Variants in NSUN7 observed in about 807,000 individuals in gnomAD.
The protein encoded by NSUN7 is NOP2/Sun RNA methyltransferase family member 7.
Under a neutral mutation model 58.5 loss-of-function variants are expected in NSUN7, and 39 were observed. That is an observed-to-expected ratio of 0.67 (90% CI 0.52 to 0.87). The LOEUF (loss-of-function observed/expected upper bound fraction) is 0.87. NSUN7 is among the 40% of genes least tolerant of loss of function. The probability of loss-of-function intolerance (pLI) is 0.00; values close to 1 mark genes in which losing one functional copy is unlikely to be tolerated. For missense variants in NSUN7, 765 were observed against 844.1 expected (o/e 0.91, Z 1.16); for synonymous variants, 278 against 303.7 (o/e 0.92, Z 0.88).
At chr4:40,779,035 A>G (rs943093825) in intron 7 of NSUN7, among the ~76,000 whole-genome samples, 3 of 152,204 alleles carry the variant, frequency 2.0e-5, no homozygotes, top group Non-Finnish European at 4.4e-5. Flanking sequence ...GTTTGGGTAG[A>G]AGAAATTGGA....
intron 2 of NSUN7, among the ~76,000 whole-genome samples, chr4:40,755,703 C>G (rs963273553): frequency 6.6e-6 from 1 of 152,154 alleles, no homozygotes; most frequent in Non-Finnish European, 1.5e-5. Flanking sequence ...CCTCCAGATT[C>G]AATAATTTGC....
At chr4:40,761,445 TACAA>T (rs1321882232) in intron 4 of NSUN7, 144 bp downstream of exon 4, 1 of 676,992 alleles carries the variant, frequency 1.5e-6, no homozygotes, top group South Asian at 2.2e-5. Flanking sequence ...TGAATTTCTT[TACAA>T]ACAGTCTTGA....
intron 7 of NSUN7, 54 bp downstream of exon 7, chr4:40,776,313 A>T: frequency 7.8e-7 from 1 of 1,276,740 alleles, no homozygotes; most frequent in South Asian, 1.4e-5. Context: ...GATTTTAGAA[A>T]CGTTAAAAAG....
intron 9 of NSUN7, among the ~76,000 whole-genome samples, chr4:40,795,522 G>T (rs961752513): frequency 1.3e-5 from 2 of 152,108 alleles, no homozygotes; most frequent in African/African-American, 4.8e-5. Flanking sequence ...GCTTCAGAAA[G>T]AATCTGAAAA....
chr4:40,786,809 G>A (rs1283340671), intron 7 of NSUN7: 3 of 1,244,156 alleles, frequency 2.4e-6, no homozygotes, highest in South Asian at 1.5e-5. Context: ...CTGCCTGTCT[G>A]CCCTCCTGGA....
rs1742203283 is a variant in NSUN7 at position 40,775,083 on chromosome 4, C to T, written c.825+133C>T. 3 of 458,762 alleles carry T rather than the reference C, an allele frequency of 6.5e-6. No homozygotes were observed. The highest frequency in any genetic ancestry group is 1.2e-5 in the Non-Finnish European group (3 of 257,730). The allele number at this position is 458,762 out of a possible 1,614,324, so 28.4% of individuals were successfully genotyped here. Reference sequence around the variant, plus strand: ...AGGGAGGTTTATAAGGCCTAATTGTCACCTTGAATAAAATTAATACCTCTA... The same window carrying T: ...AGGGAGGTTTATAAGGCCTAATTGTTACCTTGAATAAAATTAATACCTCTA... On this transcript the variant is annotated intron_variant, in intron 6 of 11. Coordinates refer to ENST00000381782, the MANE Select transcript of NSUN7 (RefSeq NM_024677.6). This position sits in a 1 kb window ranked among gnomAD's most constrained non-coding sequence, Gnocchi z 4.3.
intron 10 of NSUN7, among the ~76,000 whole-genome samples, chr4:40,806,283 C>T (rs372049830): frequency 3.9e-5 from 6 of 152,182 alleles, no homozygotes; most frequent in South Asian, 2.1e-4. Context: ...GCGTAAGCCA[C>T]GGCACCTGGC....
intron 4 of NSUN7, among the ~76,000 whole-genome samples, chr4:40,761,650 A>G (rs1741468009): frequency 2.0e-5 from 3 of 152,198 alleles, no homozygotes; most frequent in Admixed American, 2.0e-4. Context: ...GAAAACATCT[A>G]ACATGAATCA....
At chr4:40,805,299 C>A (rs1245374100) in intron 10 of NSUN7, among the ~76,000 whole-genome samples, 2 of 152,168 alleles carry the variant, frequency 1.3e-5, no homozygotes, top group Non-Finnish European at 2.9e-5. Flanking sequence ...GAACAGTTTA[C>A]TTCCAAACCC....
At chr4:40,758,565 C>T (rs965632898) in intron 2 of NSUN7, among the ~76,000 whole-genome samples, 5 of 152,184 alleles carry the variant, frequency 3.3e-5, no homozygotes, top group African/African-American at 2.4e-5. Context: ...GTGTCTCACG[C>T]CTGTAACCCC....
At position 40,750,849 on chromosome 4, in the gene NSUN7, C is replaced by T. The variant is rs751935928; in HGVS notation, c.156C>T (p.Asn52=). ...ACTCCGTTTATGTCATGGCAGCCAA[C>T]ATTTTTCAGGGTATTCGAATCGAAA... The part of the protein sequence containing the change: ...YPDSVYVMAA[N]IFQGIRIEKS... Residue 52 remains asparagine, a synonymous_variant, in exon 2 of 12, where the codon AAC becomes AAT. Transcript: ENST00000381782. 31 of 1,614,096 alleles carry T rather than the reference C, an allele frequency of 1.9e-5. No individual in the cohort carries two copies. Among genetic ancestry groups the T allele is most frequent in the Admixed American group, 3.3e-5 (2 of 59,994 alleles).
chr4:40,751,477 T>G (rs1740830536), intron 2 of NSUN7, among the ~76,000 whole-genome samples: 1 of 152,110 alleles, frequency 6.6e-6, no homozygotes, highest in Admixed American at 6.5e-5. Flanking sequence ...TATTTTAGTT[T>G]ATGAGCTTTC....
At chr4:40,762,351 T>G (rs1211281400) in intron 4 of NSUN7, among the ~76,000 whole-genome samples, 2 of 152,212 alleles carry the variant, frequency 1.3e-5, no homozygotes, top group Admixed American at 6.5e-5. Context: ...TAGGAAGATT[T>G]TGGCTTAGTG....
intron 7 of NSUN7, among the ~76,000 whole-genome samples, chr4:40,776,964 G>A (rs1742299424): frequency 6.6e-6 from 1 of 152,082 alleles, no homozygotes; most frequent in Non-Finnish European, 1.5e-5. Flanking sequence ...TGTTTCCATT[G>A]GATCATTCTA....
chr4:40,757,208 G>A (rs1390794622), intron 2 of NSUN7, among the ~76,000 whole-genome samples: 4 of 152,100 alleles, frequency 2.6e-5, no homozygotes, highest in Admixed American at 6.6e-5. Context: ...CAGCCTGGGC[G>A]ACAGAGCAAG....
At position 40,774,871 on chromosome 4, in the gene NSUN7, A is replaced by T. The variant is rs758918293; in HGVS notation, c.746A>T (p.Asp249Val). The T allele has an allele frequency of 7.0e-7, 1 of 1,426,608 alleles. No homozygotes were observed. Among genetic ancestry groups the T allele is most frequent in the Non-Finnish European group, 9.9e-7 (1 of 1,010,622 alleles). 88.4% of individuals were successfully genotyped at this position (1,426,608 alleles called of 1,614,324 possible). The change falls in exon 6 of 12, where the codon GAT becomes GTT. Residue 249 changes from aspartate to valine, a missense_variant. Physicochemically the swap from Asp to Val is radical, Grantham distance 152. Transcript: ENST00000381782. ...TTTGCTGTGGATCAACATTGCTATG[A>T]TGTCTTAATTTTTCCATCTCATCTT... ...KVFAVDQHCY[D>V]VLIFPSHLKN... is the part of the protein sequence containing the mutation.
At chr4:40,806,214 C>T (rs757019099) in intron 10 of NSUN7, among the ~76,000 whole-genome samples, 3 of 152,062 alleles carry the variant, frequency 2.0e-5, no homozygotes, top group Admixed American at 6.5e-5. Flanking sequence ...AGGCTGGTCT[C>T]GAACTCCTGG....
chr4:40,790,028 G>A (rs1743005610), intron 7 of NSUN7, among the ~76,000 whole-genome samples: 1 of 149,512 alleles, frequency 6.7e-6, no homozygotes, highest in Non-Finnish European at 1.5e-5. Flanking sequence ...ACCTTGGACT[G>A]GAAACTTATA....
chr4:40,789,090 G>C (rs532921464), intron 7 of NSUN7, among the ~76,000 whole-genome samples: 2 of 152,212 alleles, frequency 1.3e-5, no homozygotes, highest in African/African-American at 4.8e-5. Context: ...AAAGGCAACT[G>C]AGTGGAAGAA....
Sources: allele counts gnomAD v4.1 joint callset (sites outside exome capture counted in the v4.1 genomes callset), GRCh38; gene constraint gnomAD v4.1.1; non-coding constraint Gnocchi (gnomAD v3.1); transcripts MANE v1.5; gene names NCBI Gene and HGNC (gene_info 2026-07-23, HGNC 2026-07-21).